The following GLS variants were observed in gnomAD, a reference collection of about 807,000 sequenced individuals.
GLS encodes the protein glutaminase kidney isoform, mitochondrial.
In GLS, 36 loss-of-function variants were observed where a neutral mutation model predicts 86.7. The observed-to-expected ratio is 0.42, with a 90% confidence interval of 0.32 to 0.55. The LOEUF (loss-of-function observed/expected upper bound fraction) is 0.55, where lower values mean the gene tolerates loss of function less well. GLS is among the 20% of genes least tolerant of loss of function. GLS has a pLI of 0.17. For missense variants in GLS, 528 were observed against 833.4 expected (o/e 0.63, Z 4.51); for synonymous variants, 317 against 305.9 (o/e 1.04, Z -0.38).
intron 1 of GLS, among the ~76,000 whole-genome samples, chr2:190,887,653 A>G (rs1389785664): frequency 1.3e-5 from 2 of 152,162 alleles, no homozygotes; most frequent in African/African-American, 4.8e-5. Flanking sequence ...TTTAAGCTCT[A>G]TGAGGAACTT....
At position 190,954,842 on chromosome 2, in the gene GLS, A is replaced by T; in HGVS notation, c.1853+24A>T. On this transcript the variant is annotated intron_variant, in intron 17 of 17. Transcript: ENST00000320717. The surrounding 1 kb of genome is among the most constrained non-coding windows in gnomAD (Gnocchi z 4.0). ...AGGTGAGCACTTATGTTACCTTCTA[A>T]ATATGTCAGTATTTTATTATGCAGG... is the stretch of plus-strand genomic sequence containing the variant. 6.9e-7 allele frequency: 1 copy of T among 1,454,482 alleles called. No homozygotes were observed. The highest frequency in any genetic ancestry group is 9.5e-7 in the Non-Finnish European group (1 of 1,047,896). 90.1% of individuals were successfully genotyped at this position (1,454,482 alleles called of 1,614,324 possible). A position where few individuals can be genotyped will look rare whatever the true frequency, so the allele number is the denominator to read the frequency against.
intron 14 of GLS, among the ~76,000 whole-genome samples, chr2:190,946,596 T>C (rs1690582377): frequency 6.6e-6 from 1 of 151,742 alleles, no homozygotes; most frequent in African/African-American, 2.4e-5. Context: ...GAAATTTTGG[T>C]TTGGCAGTTG....
intron 7 of GLS, among the ~76,000 whole-genome samples, chr2:190,910,797 C>A (rs1199609253): frequency 1.3e-5 from 2 of 151,610 alleles, no homozygotes; most frequent in Non-Finnish European, 2.9e-5. Context: ...TTGATACTCT[C>A]ATGAGCTGAA....
At chr2:190,894,163 G>C (rs996849427) in intron 1 of GLS, among the ~76,000 whole-genome samples, 3 of 152,002 alleles carry the variant, frequency 2.0e-5, no homozygotes, top group African/African-American at 7.2e-5. Flanking sequence ...TTGTCCTTCT[G>C]TATATGTTAA....
intron 11 of GLS, among the ~76,000 whole-genome samples, chr2:190,925,554 G>T (rs891535534): frequency 6.6e-6 from 1 of 152,080 alleles, no homozygotes; most frequent in African/African-American, 2.4e-5. Flanking sequence ...CCACTGATGG[G>T]GCTGTAATGT....
At position 190,947,989 on chromosome 2, in the gene GLS, A is replaced by T. The variant is rs1690620604; in HGVS notation, c.1651-5576A>T. On this transcript the variant is annotated intron_variant, in intron 14 of 17. Transcript: ENST00000320717. This position sits in a 1 kb window ranked among gnomAD's most constrained non-coding sequence, Gnocchi z 5.0. The stretch of plus-strand genomic sequence containing the variant: ...GTCTCAAAAGTGTTAAACTAGTTTC[A>T]TTTTCTTTTGTGGCATTCTACCCAC... Among the ~76,000 whole-genome samples, 1 of 152,142 alleles carries T rather than the reference A, an allele frequency of 6.6e-6. No homozygotes were observed. The highest frequency in any genetic ancestry group is 1.5e-5 in the Non-Finnish European group (1 of 68,018).
Position 190,913,227 on chromosome 2 carries a change from G to A in GLS, c.1038+2906G>A, listed in dbSNP as rs1393765193. 5 of 1,302,546 alleles carry A rather than the reference G, an allele frequency of 3.8e-6. No homozygotes were observed. In the South Asian group the frequency reaches 6.2e-5, roughly 16 times the overall value. The allele number at this position is 1,302,546 out of a possible 1,614,324, so 80.7% of individuals were successfully genotyped here. The stretch of plus-strand genomic sequence containing the variant: ...TGATCCTCAGGAAATGGGGGAAGAG[G>A]CAGAGCAAATGTTCAAAAGGATTAG... On this transcript the variant is annotated intron_variant, in intron 7 of 17. Coordinates refer to ENST00000320717, the MANE Select transcript of GLS (RefSeq NM_014905.5). The surrounding 1 kb of genome is among the most constrained non-coding windows in gnomAD (Gnocchi z 6.1).
At position 190,929,055 on chromosome 2, in the gene GLS, G is replaced by A. The variant is rs1054717222; in HGVS notation, c.1426-1382G>A. Among the ~76,000 whole-genome samples, 113 of 151,028 alleles carry A rather than the reference G, an allele frequency of 7.5e-4. 1 individual carries two copies. Among genetic ancestry groups the A allele is most frequent in the Non-Finnish European group, 2.2e-4 (15 of 67,708 alleles). ...GGCTGGAGTGCAGTGGCGTGATCTC[G>A]GCTCACTGCAACCTCCATCGCCTGG... On this transcript the variant is annotated intron_variant, in intron 12 of 17. Transcript: ENST00000320717.
At position 190,921,153 on chromosome 2, in the gene GLS, G is replaced by A; in HGVS notation, c.1080G>A (p.Gln360=). The change falls in exon 9 of 18, where the codon CAG becomes CAA. Residue 360 remains glutamine (Q), a synonymous_variant. Coordinates refer to ENST00000320717, the MANE Select transcript of GLS (RefSeq NM_014905.5). The surrounding 1 kb of genome is among the most constrained non-coding windows in gnomAD (Gnocchi z 4.2). ...CTACTTTTGGTTTCTAGGTCATGCA[G>A]TTTTTGAATAAGATGGCTGGTAATG... is the stretch of plus-strand genomic sequence containing the variant. ...NNAEKFDYVM[Q]FLNKMAGNEY... The A allele has an allele frequency of 3.1e-6, 5 of 1,608,086 alleles. No individual in the cohort carries two copies. Among genetic ancestry groups the A allele is most frequent in the Non-Finnish European group, 4.3e-6 (5 of 1,175,000 alleles).
chr2:190,908,889 T>C (rs964654978), intron 6 of GLS, among the ~76,000 whole-genome samples: 1 of 152,240 alleles, frequency 6.6e-6, no homozygotes, highest in African/African-American at 2.4e-5. Context: ...ATTTGCAGAG[T>C]ATTTATCATT....
chr2:190,934,873 A>C, intron 14 of GLS: 4 of 980,168 alleles, frequency 4.1e-6, no homozygotes, highest in Non-Finnish European at 4.8e-6. Flanking sequence ...GGAAGAAGAG[A>C]TAAGATACTG....
At chr2:190,908,040 T>C (rs1319724338) in intron 6 of GLS, among the ~76,000 whole-genome samples, 1 of 152,162 alleles carries the variant, frequency 6.6e-6, no homozygotes, top group Non-Finnish European at 1.5e-5. Flanking sequence ...TTGGGAAGAA[T>C]GTGAGAGGGC....
chr2:190,921,321 TA>T lies in GLS; in HGVS notation c.1130+123del, dbSNP rs1484085385. The T allele has an allele frequency of 4.0e-6, 3 of 753,650 alleles. No homozygotes were observed. Among genetic ancestry groups the T allele is most frequent in the Non-Finnish European group, 6.9e-6 (3 of 437,126 alleles). 46.7% of individuals were successfully genotyped at this position (753,650 alleles called of 1,614,324 possible). The stretch of plus-strand genomic sequence containing the variant: ...TTCTAAATTACCTGACAGAAACACT[TA>T]AAAATACTTTAAATAGTTTTGACAA... On this transcript the variant is annotated intron_variant, in intron 9 of 17. Coordinates refer to ENST00000320717, the MANE Select transcript of GLS (RefSeq NM_014905.5). This position sits in a 1 kb window ranked among gnomAD's most constrained non-coding sequence, Gnocchi z 4.2.
chr2:190,928,903 T>TTG (rs1689999903), intron 12 of GLS, among the ~76,000 whole-genome samples: 1 of 132,298 alleles, frequency 7.6e-6, no homozygotes, highest in South Asian at 2.4e-4. Context: ...TTTTTTTTTT[T>TTG]TTTTTTTTTT....
At chr2:190,892,272 G>A (rs1574563283) in intron 1 of GLS, among the ~76,000 whole-genome samples, 1 of 152,140 alleles carries the variant, frequency 6.6e-6, no homozygotes, top group Admixed American at 6.5e-5. Flanking sequence ...GAAAGGAAAC[G>A]AGAGAGACAG....
intron 7 of GLS, chr2:190,919,768 AT>A (rs1282074639): frequency 2.5e-6 from 1 of 406,448 alleles, no homozygotes; most frequent in African/African-American, 2.2e-5. Context: ...GAAAGAAAAA[AT>A]TATGTCAAAG....
At chr2:190,889,768 G>A (rs1227221031) in intron 1 of GLS, among the ~76,000 whole-genome samples, 1 of 151,990 alleles carries the variant, frequency 6.6e-6, no homozygotes, top group African/African-American at 2.4e-5. Flanking sequence ...AGCTGACAGG[G>A]GCAGCCTGAC....
intron 11 of GLS, among the ~76,000 whole-genome samples, chr2:190,925,992 A>T (rs755377310): frequency 6.6e-6 from 1 of 152,090 alleles, no homozygotes; most frequent in Non-Finnish European, 1.5e-5. Flanking sequence ...TTCCTTTGGA[A>T]TACATATTTA....
chr2:190,892,892 A>G (rs1688610017), intron 1 of GLS, among the ~76,000 whole-genome samples: 1 of 152,144 alleles, frequency 6.6e-6, no homozygotes, highest in Non-Finnish European at 1.5e-5. Flanking sequence ...TTTTTTTGCT[A>G]GCTTTGGCAA....
Sources: gnomAD v4.1 joint callset for allele counts (sites outside exome capture counted in the v4.1 genomes callset) on GRCh38, gnomAD v4.1.1 for gene constraint, Gnocchi (gnomAD v3.1) non-coding constraint, MANE v1.5 for transcripts, NCBI Gene and HGNC (gene_info 2026-07-23, HGNC 2026-07-21) for gene names.